Variants in CAST observed in about 807,000 individuals in gnomAD.
CAST encodes calpastatin, also known as MIR583 host.
In CAST, 76 loss-of-function variants were observed where a neutral mutation model predicts 119.6. The ratio of observed to expected loss-of-function variants is 0.64; its 90% CI spans 0.53 to 0.77. CAST has a LOEUF of 0.77. Among genes scored for constraint, CAST ranks in the 30% least tolerant of loss-of-function variants. The pLI is 0.00. For missense variants in CAST, 953 were observed against 946.5 expected, an observed-to-expected ratio of 1.01 and a Z score of -0.09; for synonymous variants, 319 against 331.6, an observed-to-expected ratio of 0.96 and a Z score of 0.41.
rs533558053 is a variant in CAST, at chr5:96,536,031, G to GT, written c.60+6176dup. The stretch of plus-strand genomic sequence containing the variant: ...AATAACCATATGTTAAATATTTAAG[G>GT]TTTTTTTTTTTTTTTTTTTTTTTTT... On this transcript the variant is annotated intron_variant, in intron 1 of 11. Transcript: ENST00000505143. Among the ~76,000 whole-genome samples, 815 of 103,836 alleles carry GT rather than the reference G, an allele frequency of 7.8e-3. 4 individuals are homozygous for GT. The highest frequency in any genetic ancestry group is 0.012 in the African/African-American group (299 of 25,104). 68.1% of individuals were successfully genotyped at this position (103,836 alleles called of 152,430 possible).
chr5:96,563,939 A>C (rs557705392), intron 1 of CAST, among the ~76,000 whole-genome samples: 1 of 152,290 alleles, frequency 6.6e-6, no homozygotes, highest in East Asian at 1.9e-4. Context: ...GCAGGCTATG[A>C]AACGTATTCA....
At chr5:96,474,718 C>A in the CAST span, among the ~76,000 whole-genome samples, 3 of 152,114 alleles carry the variant, frequency 2.0e-5, no homozygotes, top group Admixed American at 2.0e-4. Context: ...GGGGAGTAAA[C>A]AGCCTTCTGG....
chr5:95,991,454 T>C, the CAST span, among the ~76,000 whole-genome samples: 7 of 151,762 alleles, frequency 4.6e-5, no homozygotes, highest in Admixed American at 3.9e-4. Context: ...AGAAATACAT[T>C]CTAATGTTCA....
chr5:96,170,668 G>T, the CAST span, among the ~76,000 whole-genome samples: 2 of 152,152 alleles, frequency 1.3e-5, no homozygotes, highest in Non-Finnish European at 2.9e-5. Context: ...AGCGTCTCAG[G>T]GTTGCTGCCA....
chr5:96,427,160 G>T, the CAST span, among the ~76,000 whole-genome samples: 2 of 152,108 alleles, frequency 1.3e-5, no homozygotes, highest in African/African-American at 4.8e-5. Flanking sequence ...GGGCTGATTT[G>T]AAAGAATATT....
chr5:96,560,622 C>T (rs1005471578), intron 1 of CAST, among the ~76,000 whole-genome samples: 18 of 152,210 alleles, frequency 1.2e-4, no homozygotes, highest in African/African-American at 4.3e-4. Flanking sequence ...TACTGGCAAT[C>T]AGAGAAATGC....
At chr5:96,607,176 T>C (rs1179592631) in intron 1 of CAST, among the ~76,000 whole-genome samples, 1 of 152,024 alleles carries the variant, frequency 6.6e-6, no homozygotes, top group Non-Finnish European at 1.5e-5. Flanking sequence ...TAGTCCCAGC[T>C]ACTCGAGAGG....
the CAST span, among the ~76,000 whole-genome samples, chr5:96,127,397 G>A: frequency 1.3e-5 from 2 of 152,024 alleles, no homozygotes; most frequent in Non-Finnish European, 2.9e-5. Flanking sequence ...TTTTAAAAAT[G>A]AAATGTAAAT....
intron 2 of CAST, among the ~76,000 whole-genome samples, chr5:96,677,619 T>C (rs549781938): frequency 6.6e-6 from 1 of 152,356 alleles, no homozygotes; most frequent in East Asian, 1.9e-4. Flanking sequence ...ATTGTTTTAT[T>C]ACGTTTCTGG....
the CAST span, among the ~76,000 whole-genome samples, chr5:96,029,956 C>G: frequency 6.6e-6 from 1 of 152,014 alleles, no homozygotes; most frequent in Admixed American, 6.6e-5. Flanking sequence ...AATTTTGAAC[C>G]AAGAAAGGTT....
the CAST span, among the ~76,000 whole-genome samples, chr5:96,106,337 C>T: frequency 6.6e-6 from 1 of 152,100 alleles, no homozygotes. Context: ...TTGGATCTTT[C>T]CTGCTTTCTC....
chr5:96,404,119 C>T, the CAST span, among the ~76,000 whole-genome samples: 1 of 152,140 alleles, frequency 6.6e-6, no homozygotes, highest in South Asian at 2.1e-4. Flanking sequence ...TCCTTCTTCT[C>T]TTAGTATATT....
intron 1 of CAST, chr5:96,546,389 C>T (rs942745253): frequency 9.9e-5 from 15 of 152,154 alleles, no homozygotes; most frequent in Non-Finnish European, 2.1e-4. Flanking sequence ...TTATATATTG[C>T]TTCTTGCCCA....
chr5:96,090,980 T>C, the CAST span, among the ~76,000 whole-genome samples: 1 of 152,062 alleles, frequency 6.6e-6, no homozygotes, highest in Non-Finnish European at 1.5e-5. Flanking sequence ...TTGGAATATG[T>C]TCCTGTGTGC....
At chr5:96,771,844 T>A in intron 31 of CAST, 142 bp downstream of exon 31, 1 of 501,276 alleles carries the variant, frequency 2.0e-6, no homozygotes, top group Non-Finnish European at 3.6e-6. Flanking sequence ...CTGCAAGATC[T>A]ACAGAGTAAT....
chr5:96,035,333 C>T, the CAST span, among the ~76,000 whole-genome samples: 1 of 151,198 alleles, frequency 6.6e-6, no homozygotes, highest in Non-Finnish European at 1.5e-5. Flanking sequence ...CAAGGAAACA[C>T]ATCATAATCA....
At chr5:96,376,384 CTA>C in the CAST span, among the ~76,000 whole-genome samples, 1 of 151,870 alleles carries the variant, frequency 6.6e-6, no homozygotes, top group African/African-American at 2.4e-5. Context: ...TAATAAACAA[CTA>C]TGTTACTAGT....
At chr5:95,998,545 A>T in the CAST span, among the ~76,000 whole-genome samples, 1 of 152,162 alleles carries the variant, frequency 6.6e-6, no homozygotes, top group African/African-American at 2.4e-5. Context: ...TTTCACTTAG[A>T]CTAATGGCCT....
chr5:96,067,868 C>A, the CAST span, among the ~76,000 whole-genome samples: 1 of 150,186 alleles, frequency 6.7e-6, no homozygotes, highest in Non-Finnish European at 1.5e-5. Flanking sequence ...TTATAGTTTT[C>A]CCTTAAAAAA....
Sources: gnomAD v4.1 joint callset for allele counts (sites outside exome capture counted in the v4.1 genomes callset) on GRCh38, gnomAD v4.1.1 for gene constraint, MANE v1.5 for transcripts, NCBI Gene and HGNC (gene_info 2026-07-23, HGNC 2026-07-21) for gene names.